NCOA1: variants seen among roughly 807,000 people sequenced by gnomAD.
NCOA1 encodes Hin-2 protein.
NCOA1 carries 35 observed loss-of-function variants against 150.9 expected under a neutral mutation model. The ratio of observed to expected loss-of-function variants is 0.23; its 90% CI spans 0.18 to 0.31. The LOEUF (loss-of-function observed/expected upper bound fraction) is 0.31, where lower values mean the gene tolerates loss of function less well. NCOA1 is among the 10% of genes least tolerant of loss of function. The probability of loss-of-function intolerance (pLI) is 1.00; values close to 1 mark genes in which losing one functional copy is unlikely to be tolerated. For synonymous variants in NCOA1, 590 were observed against 630.0 expected (o/e 0.94, Z 0.95); for missense variants, 1,491 against 1,749.3 (o/e 0.85, Z 2.63).
chr2:24,697,142 T>C (rs765446451), intron 10 of NCOA1, among the ~76,000 whole-genome samples: 11 of 152,212 alleles, frequency 7.2e-5, no homozygotes, highest in Non-Finnish European at 1.6e-4. Context: ...ACTGTTTTTC[T>C]GATTTAACTT....
At chr2:24,702,626 C>T (rs1320596086) in intron 11 of NCOA1, among the ~76,000 whole-genome samples, 1 of 152,158 alleles carries the variant, frequency 6.6e-6, no homozygotes, top group East Asian at 1.9e-4. Flanking sequence ...ATAAAAGCGG[C>T]TGTCATGTTA....
At chr2:24,723,707 C>A (rs1031740501) in intron 14 of NCOA1, among the ~76,000 whole-genome samples, 1 of 152,024 alleles carries the variant, frequency 6.6e-6, no homozygotes, top group Non-Finnish European at 1.5e-5. Context: ...TGTTCATATT[C>A]TCTACCTATT....
intron 4 of NCOA1, among the ~76,000 whole-genome samples, chr2:24,647,035 T>C (rs965457503): frequency 6.6e-6 from 1 of 152,194 alleles, no homozygotes; most frequent in African/African-American, 2.4e-5. Flanking sequence ...CGATTCGCTA[T>C]ATGAATAACT....
intron 3 of NCOA1, among the ~76,000 whole-genome samples, chr2:24,638,104 C>G (rs1670020245): frequency 6.6e-6 from 1 of 151,298 alleles, no homozygotes; most frequent in African/African-American, 2.4e-5. Context: ...AAATCTCTCT[C>G]TATCCCTATC....
intron 8 of NCOA1, among the ~76,000 whole-genome samples, chr2:24,685,835 A>G (rs1672372482): frequency 6.6e-6 from 1 of 152,212 alleles, no homozygotes; most frequent in Non-Finnish European, 1.5e-5. Flanking sequence ...AATTATTATT[A>G]ACAACTACTA....
intron 19 of NCOA1, among the ~76,000 whole-genome samples, chr2:24,748,136 G>A (rs1664032768): frequency 6.6e-6 from 1 of 151,636 alleles, no homozygotes; most frequent in Admixed American, 6.6e-5. Flanking sequence ...AAAAAATGGA[G>A]ACCCATATAT....
chr2:24,700,713 A>T (rs940625134), intron 11 of NCOA1, among the ~76,000 whole-genome samples: 19 of 152,162 alleles, frequency 1.2e-4, no homozygotes, highest in Admixed American at 4.6e-4. Context: ...TCAATTCAAA[A>T]CTATTACTTT....
At chr2:24,500,025 G>A (rs1201616810) in intron 1 of NCOA1, among the ~76,000 whole-genome samples, 2 of 152,208 alleles carry the variant, frequency 1.3e-5, no homozygotes, top group South Asian at 4.1e-4. Context: ...ATCCCTTCAA[G>A]TATCCCTGCT....
intron 3 of NCOA1, among the ~76,000 whole-genome samples, chr2:24,610,410 G>C (rs992341755): frequency 2.0e-5 from 3 of 151,686 alleles, no homozygotes; most frequent in Non-Finnish European, 4.4e-5. Context: ...CAAAGTGCTG[G>C]GATTATAGGT....
At chr2:24,672,668 A>G (rs1572571986) in intron 6 of NCOA1, among the ~76,000 whole-genome samples, 1 of 152,204 alleles carries the variant, frequency 6.6e-6, no homozygotes, top group African/African-American at 2.4e-5. Flanking sequence ...AAGCACTGAG[A>G]TTACAGGCTT....
intron 3 of NCOA1, among the ~76,000 whole-genome samples, chr2:24,628,221 A>G (rs1386894871): frequency 2.0e-5 from 3 of 151,592 alleles, no homozygotes; most frequent in Admixed American, 2.0e-4. Flanking sequence ...AATTGCTTGA[A>G]CCTGGGAGGC....
chr2:24,594,639 C>T (rs1243381786), intron 3 of NCOA1, among the ~76,000 whole-genome samples: 2 of 152,058 alleles, frequency 1.3e-5, no homozygotes, highest in African/African-American at 4.8e-5. Flanking sequence ...GTATTACTTG[C>T]CTACTTTTAA....
rs538721696 is a variant in NCOA1, at chr2:24,626,359, A to G, written c.-174-17607A>G. Among the ~76,000 whole-genome samples, 6 of 152,340 alleles carry G rather than the reference A, an allele frequency of 3.9e-5. No homozygotes were observed. The South Asian group carries it at 1.2e-3, about 32-fold the overall frequency. ...AGGGATAGGAGTTAGACGTGCTGCT[A>G]AAGTGCTTCAGACTTGGATTGCTAA... On this transcript the variant is annotated intron_variant, in intron 3 of 22. Coordinates refer to ENST00000348332, the MANE Select transcript of NCOA1 (RefSeq NM_003743.5).
chr2:24,572,927 AT>A (rs1376064129), intron 2 of NCOA1, among the ~76,000 whole-genome samples: 1 of 152,112 alleles, frequency 6.6e-6, no homozygotes, highest in African/African-American at 2.4e-5. Flanking sequence ...GATAAAACAT[AT>A]TTTTTTGAAT....
rs564042210 is a variant in NCOA1, at chr2:24,543,013, A to C, written c.-395-21282A>C. ...GCAGAGAGCTAGTCTCTGAGGATACAATGACAAACAGGGTTGTCTTATTCT... is the reference window on the plus strand; with the variant it reads ...GCAGAGAGCTAGTCTCTGAGGATACCATGACAAACAGGGTTGTCTTATTCT... On this transcript the variant is annotated intron_variant, in intron 1 of 22. Transcript: ENST00000348332. Among the ~76,000 whole-genome samples, 3 of 152,364 alleles carry C rather than the reference A, an allele frequency of 2.0e-5. No homozygotes were observed. The South Asian group carries it at 6.2e-4, about 32-fold the overall frequency.
intron 1 of NCOA1, among the ~76,000 whole-genome samples, chr2:24,557,519 C>T (rs1418768988): frequency 6.6e-6 from 1 of 151,172 alleles, no homozygotes; most frequent in Non-Finnish European, 1.5e-5. Context: ...TCCTCCTCTT[C>T]TTCCTCTTCT....
chr2:24,504,452 G>A (rs1411757898), intron 1 of NCOA1, among the ~76,000 whole-genome samples: 1 of 152,204 alleles, frequency 6.6e-6, no homozygotes, highest in Non-Finnish European at 1.5e-5. Context: ...AATATTTGGT[G>A]AGGAGTAAAT....
At chr2:24,510,703 GGGCTTGACCT>G (rs143399437) in intron 1 of NCOA1, among the ~76,000 whole-genome samples, 22,605 of 152,066 alleles carry the variant, frequency 0.15, 2,020 homozygotes, top group Non-Finnish European at 0.2. Flanking sequence ...GAAAGCCTTA[GGGCTTGACCT>G]GGACACATTT....
chr2:24,588,117 T>G (rs1667494909), intron 3 of NCOA1, among the ~76,000 whole-genome samples: 1 of 151,796 alleles, frequency 6.6e-6, no homozygotes, highest in Non-Finnish European at 1.5e-5. Flanking sequence ...CAGGATCTCA[T>G]TCTGTCACCC....
Sources: allele counts gnomAD v4.1 joint callset (sites outside exome capture counted in the v4.1 genomes callset), GRCh38; gene constraint gnomAD v4.1.1; transcripts MANE v1.5; gene names NCBI Gene and HGNC (gene_info 2026-07-23, HGNC 2026-07-21).